The following COL5A2 variants were observed in gnomAD, a reference collection of about 807,000 sequenced individuals.
The protein encoded by COL5A2 is collagen type V alpha 2 chain, also known as collagen alpha-2(V) chain.
A neutral mutation model predicts 208.2 loss-of-function variants in COL5A2; 23 were observed. That is an observed-to-expected ratio of 0.11 (90% CI 0.08 to 0.16). The LOEUF (loss-of-function observed/expected upper bound fraction) is 0.16, where lower values mean the gene tolerates loss of function less well. Among genes scored for constraint, COL5A2 ranks in the 10% least tolerant of loss-of-function variants. COL5A2 has a pLI of 1.00. For missense variants in COL5A2, 1,590 were observed against 1,956.4 expected (o/e 0.81, Z 3.53); for synonymous variants, 625 against 628.5 (o/e 0.99, Z 0.08).
At chr2:189,285,734 T>C in the COL5A2 span, among the ~76,000 whole-genome samples, 3 of 152,172 alleles carry the variant, frequency 2.0e-5, no homozygotes, top group Non-Finnish European at 2.9e-5. Context: ...AGGCAAGTTT[T>C]TAAAGATAAT....
At chr2:189,045,124 G>T in intron 47 of COL5A2, 55 bp downstream of exon 47, 5 of 1,181,168 alleles carry the variant, frequency 4.2e-6, no homozygotes, top group East Asian at 2.6e-5. Flanking sequence ...TACTTCTTTG[G>T]GAGTATATTT....
chr2:189,116,775 A>G (rs148478849), intron 1 of COL5A2, among the ~76,000 whole-genome samples: 1 of 152,292 alleles, frequency 6.6e-6, no homozygotes, highest in African/African-American at 2.4e-5. Flanking sequence ...AAGAGTAGGC[A>G]TTCAATAATT....
the COL5A2 span, among the ~76,000 whole-genome samples, chr2:189,400,854 A>T: frequency 1.1e-3 from 169 of 152,322 alleles, 3 homozygotes; most frequent in Admixed American, 0.01. Flanking sequence ...GGGAAACATC[A>T]AAGCTGGCAA....
At chr2:189,133,961 C>T (rs933538124) in intron 1 of COL5A2, among the ~76,000 whole-genome samples, 3 of 151,944 alleles carry the variant, frequency 2.0e-5, no homozygotes, top group Non-Finnish European at 4.4e-5. Flanking sequence ...CCATGCAGTC[C>T]AGGGAGGACA....
the COL5A2 span, among the ~76,000 whole-genome samples, chr2:189,351,012 G>T: frequency 6.6e-6 from 1 of 152,116 alleles, no homozygotes; most frequent in Non-Finnish European, 1.5e-5. Context: ...TAAGAGTCCT[G>T]GCTCTCCTGC....
intron 1 of COL5A2, among the ~76,000 whole-genome samples, chr2:189,171,893 G>A (rs1392293210): frequency 6.6e-6 from 1 of 152,152 alleles, no homozygotes; most frequent in Non-Finnish European, 1.5e-5. Context: ...AGAGAAGAAG[G>A]AGCCCATGGA....
rs116815873 is a variant in COL5A2 at position 189,143,016 on chromosome 2, C to T, written c.98-32567G>A. On this transcript the variant is annotated intron_variant, in intron 1 of 53. Coordinates refer to ENST00000374866, the MANE Select transcript of COL5A2 (RefSeq NM_000393.5). ...CAGCCATGATTGTTCGATCTCTCTCCTAATGTGTAACAAATAAATTTCTAG... is the reference window on the plus strand; with the variant it reads ...CAGCCATGATTGTTCGATCTCTCTCTTAATGTGTAACAAATAAATTTCTAG... Among the ~76,000 whole-genome samples the T allele has an allele frequency of 7.4e-3, 1,133 of 152,238 alleles. 19 individuals carry two copies. The highest frequency in any genetic ancestry group is 0.026 in the African/African-American group (1,061 of 41,528).
the COL5A2 span, among the ~76,000 whole-genome samples, chr2:189,290,469 G>A: frequency 4.6e-5 from 7 of 152,172 alleles, no homozygotes; most frequent in Non-Finnish European, 1.0e-4. Flanking sequence ...CAGTAATGTA[G>A]AATGCTGCTG....
At chr2:189,309,359 C>T in the COL5A2 span, among the ~76,000 whole-genome samples, 5 of 152,294 alleles carry the variant, frequency 3.3e-5, no homozygotes, top group South Asian at 2.1e-4. Context: ...AACTGATATA[C>T]GACCTTCTAG....
intron 26 of COL5A2, 83 bp downstream of exon 26, chr2:189,063,897 A>G (rs953635599): frequency 3.6e-6 from 4 of 1,104,408 alleles, no homozygotes; most frequent in African/African-American, 3.1e-5. Flanking sequence ...ATAATCAAAA[A>G]CATTAACCTA....
intron 45 of COL5A2, 113 bp from the exon 46 acceptor site, chr2:189,046,020 CTT>C (rs1685659875): frequency 1.5e-6 from 1 of 649,944 alleles, no homozygotes. Flanking sequence ...CCCTTTAAAA[CTT>C]ATTTTTACTT....
chr2:189,426,176 G>T, the COL5A2 span, among the ~76,000 whole-genome samples: 1 of 152,268 alleles, frequency 6.6e-6, no homozygotes, highest in Non-Finnish European at 1.5e-5. Flanking sequence ...GACTTGATAA[G>T]TTGTTATGAC....
chr2:189,118,439 G>T (rs181985203), intron 1 of COL5A2, among the ~76,000 whole-genome samples: 1 of 151,978 alleles, frequency 6.6e-6, no homozygotes, highest in African/African-American at 2.4e-5. Flanking sequence ...TGATACAGAA[G>T]AATATTTAGG....
At chr2:189,412,840 G>A in the COL5A2 span, among the ~76,000 whole-genome samples, 1 of 152,078 alleles carries the variant, frequency 6.6e-6, no homozygotes, top group Admixed American at 6.6e-5. Context: ...GAAAAATCAA[G>A]GACTAATACG....
At chr2:189,075,293 T>C in intron 17 of COL5A2, 100 bp downstream of exon 17, 1 of 813,938 alleles carries the variant, frequency 1.2e-6, no homozygotes, top group Non-Finnish European at 2.1e-6. Flanking sequence ...TTATTCCAAG[T>C]GTCTGGCATG....
the COL5A2 span, among the ~76,000 whole-genome samples, chr2:189,368,729 T>C: frequency 6.6e-6 from 1 of 152,204 alleles, no homozygotes; most frequent in Non-Finnish European, 1.5e-5. Context: ...GATGAGTTTA[T>C]ACCAAAGGAA....
chr2:189,154,040 A>T (rs961562845), intron 1 of COL5A2, among the ~76,000 whole-genome samples: 2 of 152,138 alleles, frequency 1.3e-5, no homozygotes, highest in Non-Finnish European at 2.9e-5. Context: ...ATAACTACAC[A>T]TTTTATGAGT....
At chr2:189,165,009 G>A (rs1470329211) in intron 1 of COL5A2, among the ~76,000 whole-genome samples, 1 of 152,172 alleles carries the variant, frequency 6.6e-6, no homozygotes, top group Admixed American at 6.5e-5. Context: ...GCTCAAATAA[G>A]TCTGTCTTGA....
At chr2:189,288,835 G>C in the COL5A2 span, among the ~76,000 whole-genome samples, 2 of 152,020 alleles carry the variant, frequency 1.3e-5, no homozygotes, top group East Asian at 3.9e-4. Flanking sequence ...ACATTCCACA[G>C]CATGTTAAAG....
Sources: allele counts gnomAD v4.1 joint callset (sites outside exome capture counted in the v4.1 genomes callset), GRCh38; gene constraint gnomAD v4.1.1; transcripts MANE v1.5; gene names NCBI Gene and HGNC (gene_info 2026-07-23, HGNC 2026-07-21).